COL21A1: variants seen among roughly 807,000 people sequenced by gnomAD.
COL21A1 encodes collagen alpha-1(XXI) chain.
COL21A1 carries 149 observed loss-of-function variants against 137.9 expected under a neutral mutation model. The ratio of observed to expected loss-of-function variants is 1.08; its 90% CI spans 0.95 to 1.24. COL21A1 has a LOEUF of 1.24. Ranked by LOEUF, COL21A1 falls within the 50% of genes most tolerant of loss-of-function variation. The pLI is 0.00. For synonymous variants in COL21A1, 456 were observed against 391.5 expected, an observed-to-expected ratio of 1.16 and a Z score of -1.95; for missense variants, 1,167 against 1,158.4, an observed-to-expected ratio of 1.01 and a Z score of -0.11.
chr6:56,099,127 G>C (rs921767177), intron 17 of COL21A1, among the ~76,000 whole-genome samples: 1 of 151,550 alleles, frequency 6.6e-6, no homozygotes, highest in African/African-American at 2.4e-5. Flanking sequence ...CAGACTTGCC[G>C]GTCAGTCTGC....
At position 56,166,794 on chromosome 6, in the gene COL21A1, A is replaced by G. The variant is rs1582536347; in HGVS notation, c.1278+112T>C. 1.4e-5 allele frequency: 12 copies of G among 850,546 alleles called. No homozygotes were observed. In the East Asian group the frequency reaches 3.2e-4, roughly 23 times the overall value. 52.7% of individuals were successfully genotyped at this position (850,546 alleles called of 1,614,324 possible). A position where few individuals can be genotyped will look rare whatever the true frequency, so the allele number is the denominator to read the frequency against. On this transcript the variant is annotated intron_variant, in intron 7 of 29. Coordinates refer to ENST00000244728, the MANE Select transcript of COL21A1 (RefSeq NM_030820.4). ...AACTTCACTTCCACTAACATTAAAA[A>G]ATAAAATTAAGTCTACATATTAAAT... is the stretch of plus-strand genomic sequence containing the variant.
chr6:56,198,977 T>A (rs1331155878), intron 1 of COL21A1, among the ~76,000 whole-genome samples: 5 of 152,096 alleles, frequency 3.3e-5, no homozygotes, highest in Non-Finnish European at 4.4e-5. Context: ...AGGACTAGGA[T>A]GATATTTGGA....
chr6:56,227,900 G>A (rs1385160052), intron 1 of COL21A1, among the ~76,000 whole-genome samples: 1 of 152,006 alleles, frequency 6.6e-6, no homozygotes, highest in Non-Finnish European at 1.5e-5. Context: ...CATTCTCTGA[G>A]AGGAAGTAAA....
chr6:56,180,394 T>C (rs1241958375), intron 2 of COL21A1, among the ~76,000 whole-genome samples: 2 of 152,210 alleles, frequency 1.3e-5, no homozygotes, highest in Non-Finnish European at 2.9e-5. Context: ...TAATAGTTGA[T>C]AAAAGTTAAA....
chr6:56,151,829 C>T lies in COL21A1; in HGVS notation c.1434+5058G>A, dbSNP rs1582494674. Among the ~76,000 whole-genome samples, 6 of 152,318 alleles carry T rather than the reference C, an allele frequency of 3.9e-5. No individual in the cohort carries two copies. The South Asian group carries it at 1.2e-3, about 32-fold the overall frequency. ...TCCCACTGGGTGCTGGCCTTGAACACATACTAATGACCCTCAGCTGTTTTG... is the reference window on the plus strand; with the variant it reads ...TCCCACTGGGTGCTGGCCTTGAACATATACTAATGACCCTCAGCTGTTTTG... On this transcript the variant is annotated intron_variant, in intron 10 of 29. Coordinates refer to ENST00000244728, the MANE Select transcript of COL21A1 (RefSeq NM_030820.4).
intron 6 of COL21A1, among the ~76,000 whole-genome samples, chr6:56,167,797 G>T (rs1468074201): frequency 1.3e-5 from 2 of 152,104 alleles, no homozygotes; most frequent in Non-Finnish European, 2.9e-5. Flanking sequence ...ACTTACAGAT[G>T]AAACTATATT....
intron 1 of COL21A1, among the ~76,000 whole-genome samples, chr6:56,275,260 C>A (rs981544220): frequency 6.6e-6 from 1 of 152,076 alleles, no homozygotes; most frequent in Non-Finnish European, 1.5e-5. Flanking sequence ...CTATAAAAAT[C>A]CTAGAAGAAA....
intron 3 of COL21A1, among the ~76,000 whole-genome samples, chr6:56,179,153 A>T (rs1561952921): frequency 6.6e-6 from 1 of 152,034 alleles, no homozygotes; most frequent in African/African-American, 2.4e-5. Flanking sequence ...AGGCAGAAGG[A>T]TAAACTAAAA....
intron 1 of COL21A1, among the ~76,000 whole-genome samples, chr6:56,358,826 T>G (rs1319935173): frequency 6.6e-6 from 1 of 152,196 alleles, no homozygotes; most frequent in South Asian, 2.1e-4. Context: ...TTAAATTGCA[T>G]GAAAATGCAC....
chr6:56,097,864 A>ATAAATATAT (rs1562188195), intron 17 of COL21A1, among the ~76,000 whole-genome samples: 16 of 29,930 alleles, frequency 5.3e-4, no homozygotes, highest in Non-Finnish European at 9.3e-4. Flanking sequence ...TAAATATATA[A>ATAAATATAT]AAATATCTAT....
chr6:56,269,896 C>T (rs574366030), intron 1 of COL21A1, among the ~76,000 whole-genome samples: 6 of 152,134 alleles, frequency 3.9e-5, no homozygotes, highest in Non-Finnish European at 5.9e-5. Flanking sequence ...GAATTCATCA[C>T]AACCAAATCA....
rs951961813 is a variant in COL21A1, at chr6:56,209,520, T to A, written c.-38-26864A>T. 2.3e-3 allele frequency among the ~76,000 whole-genome samples: 346 copies of A among 152,140 alleles called. 1 individual carries two copies. Among genetic ancestry groups the A allele is most frequent in the African/African-American group, 7.8e-3 (322 of 41,516 alleles). On this transcript the variant is annotated intron_variant, in intron 1 of 29. Transcript: ENST00000244728. ...AAAACGCTTTTGCAACCAACAAGCA[T>A]ATGAAAAATGCTCATCATCACTGGT...
intron 1 of COL21A1, among the ~76,000 whole-genome samples, chr6:56,222,521 C>A (rs986793169): frequency 1.3e-5 from 2 of 152,058 alleles, no homozygotes; most frequent in Non-Finnish European, 2.9e-5. Context: ...ACAAAAGAGG[C>A]ATTGCTTCTC....
chr6:56,321,499 G>T (rs943905021), intron 1 of COL21A1, among the ~76,000 whole-genome samples: 2 of 151,984 alleles, frequency 1.3e-5, no homozygotes, highest in African/African-American at 4.8e-5. Flanking sequence ...ATGTTTTTTT[G>T]CTAATGATTT....
chr6:56,133,975 G>A (rs1449401796), intron 12 of COL21A1, among the ~76,000 whole-genome samples: 4 of 152,200 alleles, frequency 2.6e-5, no homozygotes, highest in African/African-American at 2.4e-5. Context: ...ACCTCTGCTT[G>A]GGCAGTGAGG....
chr6:56,265,704 T>C (rs927736483), intron 1 of COL21A1, among the ~76,000 whole-genome samples: 20 of 152,248 alleles, frequency 1.3e-4, no homozygotes, highest in Non-Finnish European at 2.2e-4. Context: ...ATCTTTTAGT[T>C]AGATCTTTTT....
chr6:56,327,753 C>A (rs754518763), intron 1 of COL21A1, among the ~76,000 whole-genome samples: 6 of 152,062 alleles, frequency 3.9e-5, no homozygotes, highest in Non-Finnish European at 7.4e-5. Flanking sequence ...TACTCCTGGG[C>A]AACTCATTGT....
At chr6:56,084,098 T>C (rs1190395838) in intron 17 of COL21A1, among the ~76,000 whole-genome samples, 1 of 151,894 alleles carries the variant, frequency 6.6e-6, no homozygotes, top group Non-Finnish European at 1.5e-5. Context: ...TCAGATTTGG[T>C]GAAACACTAG....
chr6:56,209,602 T>A (rs1368933196), intron 1 of COL21A1, among the ~76,000 whole-genome samples: 1 of 152,146 alleles, frequency 6.6e-6, no homozygotes, highest in Non-Finnish European at 1.5e-5. Flanking sequence ...CCAGTTAGAA[T>A]GACGATCATT....
Sources: gnomAD v4.1 joint callset for allele counts (sites outside exome capture counted in the v4.1 genomes callset) on GRCh38, gnomAD v4.1.1 for gene constraint, MANE v1.5 for transcripts, NCBI Gene and HGNC (gene_info 2026-07-23, HGNC 2026-07-21) for gene names.